The following NELL1 variants were observed in gnomAD, a reference collection of about 807,000 sequenced individuals.
NELL1 encodes protein kinase C-binding protein NELL1.
NELL1 carries 76 observed loss-of-function variants against 107.4 expected under a neutral mutation model. That is an observed-to-expected ratio of 0.71 (90% CI 0.59 to 0.86). The LOEUF (loss-of-function observed/expected upper bound fraction) is 0.86. Ranked by LOEUF, NELL1 falls within the 40% of genes least tolerant of loss-of-function variation. NELL1 has a pLI of 0.00. For synonymous variants in NELL1, 353 were observed against 341.2 expected, an observed-to-expected ratio of 1.03 and a Z score of -0.38; for missense variants, 1,024 against 1,005.5, an observed-to-expected ratio of 1.02 and a Z score of -0.25.
chr11:20,847,927 A>G (rs773264457), intron 4 of NELL1, among the ~76,000 whole-genome samples, 174 bp downstream of exon 4: 24 of 152,356 alleles, frequency 1.6e-4, no homozygotes, highest in African/African-American at 5.8e-4. Context: ...CAACTGTAAT[A>G]TGATAAGAAA....
chr11:21,225,912 T>C (rs1237083495), intron 13 of NELL1, among the ~76,000 whole-genome samples: 4 of 152,174 alleles, frequency 2.6e-5, no homozygotes, highest in African/African-American at 9.7e-5. Context: ...CATTTTACAA[T>C]GAGGAATCTA....
intron 17 of NELL1, among the ~76,000 whole-genome samples, chr11:21,563,702 C>A (rs1302572335): frequency 6.6e-6 from 1 of 151,988 alleles, no homozygotes; most frequent in African/African-American, 2.4e-5. Context: ...ACTTGAACAT[C>A]TGCAGATCCT....
At chr11:21,342,701 G>T (rs1850600476) in intron 14 of NELL1, among the ~76,000 whole-genome samples, 1 of 53,474 alleles carries the variant, frequency 1.9e-5, no homozygotes, top group African/African-American at 5.1e-5. Context: ...GGAAGGAAGA[G>T]GGAGAGAGAG....
intron 15 of NELL1, among the ~76,000 whole-genome samples, chr11:21,458,442 A>G (rs1486698945): frequency 6.6e-6 from 1 of 152,180 alleles, no homozygotes; most frequent in Non-Finnish European, 1.5e-5. Context: ...ATCATTTATA[A>G]TAAGGAAAAA....
At chr11:21,464,316 G>A (rs1405986582) in intron 15 of NELL1, among the ~76,000 whole-genome samples, 3 of 151,240 alleles carry the variant, frequency 2.0e-5, no homozygotes, top group Admixed American at 6.6e-5. Flanking sequence ...CTTTTTAACA[G>A]GTCCCAATAT....
intron 12 of NELL1, among the ~76,000 whole-genome samples, chr11:20,962,274 A>C (rs1003872877): frequency 1.3e-5 from 2 of 152,100 alleles, no homozygotes; most frequent in African/African-American, 4.8e-5. Flanking sequence ...TCTATCAGAA[A>C]ATTTAAGTAA....
chr11:20,739,177 A>C (rs767944230), intron 2 of NELL1, among the ~76,000 whole-genome samples: 2 of 152,218 alleles, frequency 1.3e-5, no homozygotes, highest in African/African-American at 4.8e-5. Context: ...ACTGCCTGAC[A>C]AAGAGCAGGG....
chr11:21,461,573 G>A (rs1420378982), intron 15 of NELL1, among the ~76,000 whole-genome samples: 2 of 152,192 alleles, frequency 1.3e-5, no homozygotes, highest in African/African-American at 4.8e-5. Flanking sequence ...TTTTTATTAA[G>A]TGCTCACTAT....
At position 20,701,826 on chromosome 11, in the gene NELL1, C is replaced by T. The variant is rs191760520; in HGVS notation, c.184+23766C>T. Among the ~76,000 whole-genome samples, 1,500 of 152,028 alleles carry T rather than the reference C, an allele frequency of 9.9e-3. 23 individuals are homozygous for T. The highest frequency in any genetic ancestry group is 0.039 in the Admixed American group (592 of 15,254). On this transcript the variant is annotated intron_variant, in intron 2 of 19. Coordinates refer to ENST00000357134, the MANE Select transcript of NELL1 (RefSeq NM_006157.5). ...CAAAGATCAGATGGTTGTAGATGTG[C>T]GGTATTATTTCTGAGGGCTCTGTTC...
intron 15 of NELL1, among the ~76,000 whole-genome samples, chr11:21,507,517 A>G (rs1855311059): frequency 6.6e-6 from 1 of 152,218 alleles, no homozygotes. Context: ...GAAATGTTGG[A>G]TTCAAATAGA....
At chr11:21,124,694 C>T (rs1420170570) in intron 13 of NELL1, among the ~76,000 whole-genome samples, 7 of 151,624 alleles carry the variant, frequency 4.6e-5, no homozygotes, top group African/African-American at 1.2e-4. Context: ...CTCCACCTTC[C>T]GGGTTCAAGC....
chr11:20,894,257 A>G (rs1048594101), intron 5 of NELL1, among the ~76,000 whole-genome samples: 3 of 152,242 alleles, frequency 2.0e-5, no homozygotes, highest in East Asian at 1.9e-4. Flanking sequence ...AATAATAACT[A>G]TAAAGGAAAA....
At chr11:20,750,045 T>C (rs999377100) in intron 2 of NELL1, among the ~76,000 whole-genome samples, 29 of 152,194 alleles carry the variant, frequency 1.9e-4, no homozygotes, top group African/African-American at 6.5e-4. Context: ...TTATTTATTT[T>C]ACAATCCTAT....
chr11:21,348,733 G>A (rs1455753913), intron 14 of NELL1, among the ~76,000 whole-genome samples: 3 of 152,082 alleles, frequency 2.0e-5, no homozygotes, highest in Admixed American at 2.0e-4. Flanking sequence ...ATTTTATCTG[G>A]GCCTGGAAAA....
intron 14 of NELL1, among the ~76,000 whole-genome samples, chr11:21,275,108 A>C (rs1473843096): frequency 6.6e-6 from 1 of 152,224 alleles, no homozygotes; most frequent in Non-Finnish European, 1.5e-5. Flanking sequence ...CAATGAATCC[A>C]GGAGCTGGTT....
intron 12 of NELL1, among the ~76,000 whole-genome samples, chr11:21,083,439 T>C (rs560406873): frequency 6.6e-6 from 1 of 152,302 alleles, no homozygotes; most frequent in African/African-American, 2.4e-5. Context: ...GAGGTCACAC[T>C]GCTAGCTGTA....
intron 2 of NELL1, among the ~76,000 whole-genome samples, chr11:20,741,191 C>T (rs1855882065): frequency 6.8e-6 from 1 of 147,140 alleles, no homozygotes; most frequent in South Asian, 2.2e-4. Flanking sequence ...CAAATAGTAG[C>T]TTTCTGTGCA....
intron 10 of NELL1, among the ~76,000 whole-genome samples, chr11:20,941,117 C>T (rs997523322): frequency 1.4e-4 from 22 of 151,844 alleles, no homozygotes; most frequent in Non-Finnish European, 2.4e-4. Flanking sequence ...ACAGCCTGGG[C>T]GACAGAGTGA....
At chr11:20,826,837 G>A (rs888965787) in intron 3 of NELL1, among the ~76,000 whole-genome samples, 3 of 151,206 alleles carry the variant, frequency 2.0e-5, no homozygotes, top group African/African-American at 4.8e-5. Flanking sequence ...ATGGAGGAGT[G>A]AGACAGACTG....
Sources: gnomAD v4.1 joint callset for allele counts (sites outside exome capture counted in the v4.1 genomes callset) on GRCh38, gnomAD v4.1.1 for gene constraint, MANE v1.5 for transcripts, NCBI Gene and HGNC (gene_info 2026-07-23, HGNC 2026-07-21) for gene names.